The following TMTC2 variants were observed in gnomAD, a reference collection of about 807,000 sequenced individuals.
The protein encoded by TMTC2 is transmembrane O-mannosyltransferase targeting cadherins 2.
In TMTC2, 43 loss-of-function variants were observed where a neutral mutation model predicts 82.4. The ratio of observed to expected loss-of-function variants is 0.52; its 90% CI spans 0.41 to 0.67. The LOEUF (loss-of-function observed/expected upper bound fraction) is 0.67, where lower values mean the gene tolerates loss of function less well. Ranked by LOEUF, TMTC2 falls within the 30% of genes least tolerant of loss-of-function variation. The probability of loss-of-function intolerance (pLI) is 0.00; values close to 1 mark genes in which losing one functional copy is unlikely to be tolerated. For synonymous variants in TMTC2, 408 were observed against 381.9 expected, an observed-to-expected ratio of 1.07 and a Z score of -0.80; for missense variants, 919 against 1,012.4, an observed-to-expected ratio of 0.91 and a Z score of 1.25.
At chr12:82,888,935 G>T (rs1429202197) in intron 2 of TMTC2, among the ~76,000 whole-genome samples, 6 of 152,044 alleles carry the variant, frequency 3.9e-5, no homozygotes, top group Non-Finnish European at 7.4e-5. Flanking sequence ...TTTTAATTTT[G>T]AGACACTTAA....
At chr12:82,937,899 G>T (rs1273446981) in intron 4 of TMTC2, among the ~76,000 whole-genome samples, 3 of 136,388 alleles carry the variant, frequency 2.2e-5, no homozygotes, top group Non-Finnish European at 4.6e-5. Context: ...TGACACCATA[G>T]ATTCAAACCT....
At chr12:82,710,160 A>C (rs980508926) in intron 1 of TMTC2, among the ~76,000 whole-genome samples, 1 of 152,148 alleles carries the variant, frequency 6.6e-6, no homozygotes, top group Non-Finnish European at 1.5e-5. Flanking sequence ...GTTGAATTTT[A>C]TTTCCCAACT....
chr12:82,790,027 C>T (rs1259223448), intron 1 of TMTC2, among the ~76,000 whole-genome samples: 1 of 151,842 alleles, frequency 6.6e-6, no homozygotes, highest in Non-Finnish European at 1.5e-5. Context: ...CATAGTGAGA[C>T]CTCATCTCTA....
At chr12:83,000,045 A>G (rs1377016497) in intron 8 of TMTC2, among the ~76,000 whole-genome samples, 1 of 152,202 alleles carries the variant, frequency 6.6e-6, no homozygotes, top group Non-Finnish European at 1.5e-5. Flanking sequence ...TGAGGATACA[A>G]GCATTAGGTA....
chr12:82,831,996 G>T (rs1014569975), intron 1 of TMTC2, among the ~76,000 whole-genome samples: 68 of 152,264 alleles, frequency 4.5e-4, no homozygotes, highest in South Asian at 6.2e-4. Context: ...ACTAAAACCG[G>T]ACTCATGGCT....
At chr12:82,865,058 CA>C (rs1373298523) in intron 2 of TMTC2, among the ~76,000 whole-genome samples, 6,760 of 84,328 alleles carry the variant, frequency 0.08, 165 homozygotes, top group Non-Finnish European at 0.1. Flanking sequence ...ACTAAAAATA[CA>C]AAAAAAAAAA....
At chr12:82,992,136 G>C (rs1592679385) in intron 8 of TMTC2, among the ~76,000 whole-genome samples, 2 of 152,202 alleles carry the variant, frequency 1.3e-5, no homozygotes, top group African/African-American at 4.8e-5. Flanking sequence ...TCCAGTTGTG[G>C]AAGTAGTGGA....
chr12:82,918,000 G>C (rs530575881), intron 3 of TMTC2, among the ~76,000 whole-genome samples: 1 of 152,134 alleles, frequency 6.6e-6, no homozygotes, highest in East Asian at 1.9e-4. Context: ...CAGGCTGAAG[G>C]CATTCTCCCA....
chr12:82,947,499 T>C (rs1024882714), intron 4 of TMTC2, among the ~76,000 whole-genome samples: 40 of 150,122 alleles, frequency 2.7e-4, no homozygotes, highest in Admixed American at 7.2e-4. Context: ...CCCGCCACCA[T>C]GCCCGGCTAA....
chr12:82,839,465 A>G (rs1173960263), intron 1 of TMTC2, among the ~76,000 whole-genome samples: 2 of 152,156 alleles, frequency 1.3e-5, no homozygotes, highest in Non-Finnish European at 2.9e-5. Context: ...CCACCTGTGT[A>G]GGGCTGACTT....
intron 1 of TMTC2, among the ~76,000 whole-genome samples, chr12:82,749,741 T>TTC (rs1555182023): frequency 2.8e-5 from 4 of 144,874 alleles, no homozygotes; most frequent in African/African-American, 7.8e-5. Context: ...CTTTCTTTCT[T>TTC]TTTTTTTTTT....
intron 6 of TMTC2, chr12:82,966,081 G>T (rs908567011): frequency 2.5e-5 from 7 of 284,622 alleles, no homozygotes; most frequent in South Asian, 8.0e-5. Context: ...CCATTTCTTT[G>T]GTTTGATGAC....
At chr12:82,820,208 T>G (rs1157160403) in intron 1 of TMTC2, among the ~76,000 whole-genome samples, 3 of 152,088 alleles carry the variant, frequency 2.0e-5, no homozygotes, top group Admixed American at 2.0e-4. Context: ...AGATTGAGGG[T>G]GAGTCTGCCT....
chr12:82,700,933 C>T (rs1269600442), intron 1 of TMTC2, among the ~76,000 whole-genome samples: 1 of 152,088 alleles, frequency 6.6e-6, no homozygotes, highest in African/African-American at 2.4e-5. Context: ...TGGAGGCAGG[C>T]AAGAGAGTAT....
rs572783605 is a variant in TMTC2 at position 83,132,154 on chromosome 12, A to G, written c.2332-56A>G. 134 of 1,537,960 alleles carry G rather than the reference A, an allele frequency of 8.7e-5. 2 individuals carry two copies. In the South Asian group the frequency reaches 1.5e-3, roughly 17 times the overall value. On this transcript the variant is annotated intron_variant, in intron 11 of 11. Coordinates refer to ENST00000321196, the MANE Select transcript of TMTC2 (RefSeq NM_152588.3). ...AAGTGGATGAAGATTTTTGTTTTCCATGAAGGAAAGCTTGAAATGGCCTCC... is the reference window on the plus strand; with the variant it reads ...AAGTGGATGAAGATTTTTGTTTTCCGTGAAGGAAAGCTTGAAATGGCCTCC...
At chr12:83,076,066 G>A (rs374932335) in intron 11 of TMTC2, among the ~76,000 whole-genome samples, 2 of 152,346 alleles carry the variant, frequency 1.3e-5, no homozygotes, top group South Asian at 2.1e-4. Flanking sequence ...AACTGTTGGC[G>A]TGGGCAAGTT....
intron 1 of TMTC2, among the ~76,000 whole-genome samples, chr12:82,724,728 G>A (rs1288143804): frequency 1.3e-5 from 2 of 152,108 alleles, no homozygotes; most frequent in Non-Finnish European, 2.9e-5. Flanking sequence ...CCATCATTCC[G>A]TCTTCTCAAA....
chr12:82,776,771 C>G (rs1028492876), intron 1 of TMTC2, among the ~76,000 whole-genome samples: 1 of 151,938 alleles, frequency 6.6e-6, no homozygotes, highest in Non-Finnish European at 1.5e-5. Context: ...CAGCCTGTCT[C>G]AAAACAAAAA....
At chr12:82,835,782 C>CTT (rs1870003696) in intron 1 of TMTC2, among the ~76,000 whole-genome samples, 1 of 152,164 alleles carries the variant, frequency 6.6e-6, no homozygotes, top group South Asian at 2.1e-4. Context: ...TGGTAAATCG[C>CTT]TGTTGCTCCC....
Sources: gnomAD v4.1 joint callset for allele counts (sites outside exome capture counted in the v4.1 genomes callset) on GRCh38, gnomAD v4.1.1 for gene constraint, MANE v1.5 for transcripts, NCBI Gene and HGNC (gene_info 2026-07-23, HGNC 2026-07-21) for gene names.